Variants in TCFL5 observed in about 807,000 individuals in gnomAD.
The protein encoded by TCFL5 is transcription factor-like 5 protein.
TCFL5 carries 9 observed loss-of-function variants against 44.3 expected under a neutral mutation model. That is an observed-to-expected ratio of 0.20 (90% CI 0.12 to 0.35). TCFL5 has a LOEUF of 0.35. Ranked by LOEUF, TCFL5 falls within the 10% of genes least tolerant of loss-of-function variation. The probability of loss-of-function intolerance (pLI) is 1.00; values close to 1 mark genes in which losing one functional copy is unlikely to be tolerated. For synonymous variants in TCFL5, 319 were observed against 271.6 expected (o/e 1.17, Z -1.72); for missense variants, 603 against 613.4 (o/e 0.98, Z 0.18).
rs1008622786 is a variant in TCFL5, at chr20:62,860,110, A to G, written c.831+15T>C. The G allele has an allele frequency of 6.3e-7, 1 of 1,591,776 alleles. No homozygotes were observed. Among genetic ancestry groups the G allele is most frequent in the Non-Finnish European group, 8.6e-7 (1 of 1,163,744 alleles). On this transcript the variant is annotated intron_variant, in intron 2 of 5. Coordinates refer to ENST00000335351, the MANE Select transcript of TCFL5 (RefSeq NM_006602.4). ...TAATACAAAAGAGCAAAGCTTCACA[A>G]ATCATGTTCCCTACCTGTGTCTGTG...
Position 62,859,701 on chromosome 20 carries a change from A to G in TCFL5, c.832-175T>C, listed in dbSNP as rs139531406. 4.0e-5 allele frequency among the ~76,000 whole-genome samples: 6 copies of G among 150,742 alleles called. No individual in the cohort carries two copies. The East Asian group carries it at 1.2e-3, about 29-fold the overall frequency. On this transcript the variant is annotated intron_variant, in intron 2 of 5. Transcript: ENST00000335351. ...TACCACATAAACACTCAACTTTCACAGGTATTTTTTTGTTTTTGTTTTTTT... is the reference window on the plus strand; with the variant it reads ...TACCACATAAACACTCAACTTTCACGGGTATTTTTTTGTTTTTGTTTTTTT...
rs187928148 is a variant in TCFL5, at chr20:62,852,992, C to T, written c.1380+1024G>A. ...CATGGTCACCCGGTCGGCTGAAGTA[C>T]ATTCACCCAGTCCGCAGAAGTATAG... On this transcript the variant is annotated intron_variant, in intron 5 of 5. Transcript: ENST00000335351. 3.1e-6 allele frequency: 4 copies of T among 1,274,256 alleles called. No homozygotes were observed. The South Asian group carries it at 3.7e-5, about 12-fold the overall frequency. The allele number at this position is 1,274,256 out of a possible 1,614,324, so 78.9% of individuals were successfully genotyped here.
intron 5 of TCFL5, among the ~76,000 whole-genome samples, chr20:62,847,518 G>C (rs2063758858): frequency 6.6e-6 from 1 of 152,258 alleles, no homozygotes; most frequent in Admixed American, 6.5e-5. Flanking sequence ...GGGTACAGCA[G>C]ACCAAGGAGC....
chr20:62,854,961 A>C lies in TCFL5; in HGVS notation c.1239-804T>G, dbSNP rs987214381. 1.3e-5 allele frequency among the ~76,000 whole-genome samples: 2 copies of C among 152,164 alleles called. 1 individual carries two copies. The highest frequency in any genetic ancestry group is 2.9e-5 in the Non-Finnish European group (2 of 68,028). On this transcript the variant is annotated intron_variant, in intron 4 of 5. Coordinates refer to ENST00000335351, the MANE Select transcript of TCFL5 (RefSeq NM_006602.4). ...CATCAGCTCACTGAACTCTAACCAC[A>C]AGTCTACGCAGTAGAGCTAGAAGTC...
intron 4 of TCFL5, among the ~76,000 whole-genome samples, chr20:62,855,485 T>C (rs1318957296): frequency 6.6e-6 from 1 of 152,216 alleles, no homozygotes; most frequent in African/African-American, 2.4e-5. Flanking sequence ...GAAATTGCCA[T>C]GCCAGGCGCA....
At chr20:62,844,976 G>C (rs1197159481) in intron 5 of TCFL5, 5 of 985,204 alleles carry the variant, frequency 5.1e-6, no homozygotes, top group Non-Finnish European at 6.0e-6. Context: ...ATGCTGCCAT[G>C]GATTTAACTT....
At chr20:62,846,608 T>A (rs114220381) in intron 5 of TCFL5, among the ~76,000 whole-genome samples, 5,135 of 152,054 alleles carry the variant, frequency 0.034, 76 homozygotes, top group South Asian at 0.041. Context: ...ATGAGAAGAA[T>A]AACAACAAGA....
At chr20:62,848,794 T>C (rs2063775159) in intron 5 of TCFL5, among the ~76,000 whole-genome samples, 1 of 151,960 alleles carries the variant, frequency 6.6e-6, no homozygotes, top group Non-Finnish European at 1.5e-5. Context: ...TCCCAGCACT[T>C]TGGGAGGCTG....
intron 4 of TCFL5, among the ~76,000 whole-genome samples, chr20:62,856,458 A>G (rs1310765823): frequency 6.6e-6 from 1 of 151,820 alleles, no homozygotes; most frequent in Non-Finnish European, 1.5e-5. Flanking sequence ...TAATCCCAGC[A>G]CTTTGGGAGG....
At chr20:62,857,848 A>C (rs1386542334) in intron 3 of TCFL5, among the ~76,000 whole-genome samples, 1 of 152,244 alleles carries the variant, frequency 6.6e-6, no homozygotes, top group Non-Finnish European at 1.5e-5. Flanking sequence ...AAACTGAACA[A>C]GAATCAATCA....
At position 62,859,348 on chromosome 20, in the gene TCFL5, C is replaced by CT; in HGVS notation, c.994+15dup. 6.3e-7 allele frequency: 1 copy of CT among 1,598,922 alleles called. No homozygotes were observed. The highest frequency in any genetic ancestry group is 8.5e-7 in the Non-Finnish European group (1 of 1,170,228). On this transcript the variant is annotated intron_variant, in intron 3 of 5. Transcript: ENST00000335351. ...GTCAGAAGAAAGCTCCCACTACCTG[C>CT]TGCTTCATCGCTTACCTCCCACTTT...
chr20:62,845,397 A>G, intron 5 of TCFL5: 1 of 1,202,922 alleles, frequency 8.3e-7, no homozygotes, highest in Non-Finnish European at 1.0e-6. Context: ...TGCTGGGATT[A>G]CAGGCGTGAG....
In TCFL5 at chr20:62,841,140, A is replaced by C. The variant is rs1303653617; in HGVS notation, c.*835T>G. 4.6e-6 allele frequency: 1 copy of C among 217,340 alleles called. No homozygotes were observed. Among genetic ancestry groups the C allele is most frequent in the Admixed American group, 5.3e-5 (1 of 18,994 alleles). The allele number at this position is 217,340 out of a possible 1,614,324, so 13.5% of individuals were successfully genotyped here. ...TAACAAAAAATAAAGAATTTAATGT[A>C]CAGTAAATTCTCTCCCATACAAAGG... On this transcript the variant is annotated 3_prime_UTR_variant, in exon 6 of 6. Transcript: ENST00000335351.
At chr20:62,845,092 C>A in intron 5 of TCFL5, 1 of 987,844 alleles carries the variant, frequency 1.0e-6, no homozygotes, top group Non-Finnish European at 1.2e-6. Context: ...AGAATCTACA[C>A]CTGCATATAA....
At chr20:62,852,214 G>A in intron 5 of TCFL5, 3 of 985,478 alleles carry the variant, frequency 3.0e-6, no homozygotes, top group Non-Finnish European at 2.4e-6. Flanking sequence ...GCTTGGACCA[G>A]GTACAAAGTC....
chr20:62,844,607 TCA>T (rs1568774378), intron 5 of TCFL5, among the ~76,000 whole-genome samples: 6 of 148,576 alleles, frequency 4.0e-5, no homozygotes, highest in Admixed American at 2.0e-4. Flanking sequence ...AGACCGAGTC[TCA>T]CTCTGTCACC....
chr20:62,860,844 C>T (rs1296342565), intron 1 of TCFL5, among the ~76,000 whole-genome samples, 180 bp downstream of exon 1: 3 of 152,172 alleles, frequency 2.0e-5, no homozygotes, highest in African/African-American at 7.2e-5. Context: ...TCCCCGGGGC[C>T]CGCACAGCGC....
chr20:62,852,499 C>A (rs116558078), intron 5 of TCFL5: 6 of 985,486 alleles, frequency 6.1e-6, no homozygotes, highest in South Asian at 4.7e-5. Context: ...TCAAATCACA[C>A]GTCTAGTTCC....
chr20:62,861,773 C>G lies in TCFL5; in HGVS notation c.-103G>C, dbSNP rs1037478697. 2.0e-4 allele frequency: 29 copies of G among 146,946 alleles called. No individual in the cohort carries two copies. The highest frequency in any genetic ancestry group is 1.8e-3 in the Admixed American group (27 of 14,766). 9.1% of individuals were successfully genotyped at this position (146,946 alleles called of 1,614,324 possible). ...GGCGACCCCCGGCCCGAGCACTACT[C>G]TGCGCCGGCCACAGCCGGCGCGCCG... On this transcript the variant is annotated 5_prime_UTR_variant, in exon 1 of 6. Transcript: ENST00000335351. This position sits in a 1 kb window ranked among gnomAD's most constrained non-coding sequence, Gnocchi z 4.0.
Sources: gnomAD v4.1 joint callset for allele counts (sites outside exome capture counted in the v4.1 genomes callset) on GRCh38, gnomAD v4.1.1 for gene constraint, Gnocchi (gnomAD v3.1) non-coding constraint, MANE v1.5 for transcripts, NCBI Gene and HGNC (gene_info 2026-07-23, HGNC 2026-07-21) for gene names.